The following CPQ variants were observed in gnomAD, a reference collection of about 807,000 sequenced individuals.
CPQ encodes the protein carboxypeptidase Q, also known as Ser-Met dipeptidase.
A neutral mutation model predicts 45.7 loss-of-function variants in CPQ; 37 were observed. That is an observed-to-expected ratio of 0.81 (90% CI 0.62 to 1.07). CPQ has a LOEUF of 1.07. Ranked by LOEUF, CPQ falls within the 50% of genes least tolerant of loss-of-function variation. CPQ has a pLI of 0.00. For missense variants in CPQ, 537 were observed against 572.9 expected, an observed-to-expected ratio of 0.94 and a Z score of 0.64; for synonymous variants, 186 against 205.8, an observed-to-expected ratio of 0.90 and a Z score of 0.82.
chr8:96,995,750 G>C (rs1809169283), intron 5 of CPQ, among the ~76,000 whole-genome samples: 1 of 151,502 alleles, frequency 6.6e-6, no homozygotes, highest in African/African-American at 2.4e-5. Flanking sequence ...ATGGGGGTTT[G>C]TTATACAGAT....
At chr8:96,664,680 G>A (rs1307599498) in intron 1 of CPQ, among the ~76,000 whole-genome samples, 2 of 152,162 alleles carry the variant, frequency 1.3e-5, no homozygotes, top group Non-Finnish European at 2.9e-5. Flanking sequence ...AGGAGTAAGG[G>A]TAAAGGCGTC....
intron 6 of CPQ, among the ~76,000 whole-genome samples, chr8:97,045,293 T>G (rs769692728): frequency 2.0e-5 from 3 of 152,238 alleles, no homozygotes; most frequent in Admixed American, 6.5e-5. Flanking sequence ...TTCCAAGCCA[T>G]GTGCGGGATA....
intron 4 of CPQ, among the ~76,000 whole-genome samples, chr8:96,962,293 T>G (rs1813472750): frequency 1.3e-5 from 2 of 152,206 alleles, no homozygotes; most frequent in Admixed American, 6.5e-5. Flanking sequence ...GTTTTCAGAG[T>G]AACTTTTTAC....
intron 6 of CPQ, among the ~76,000 whole-genome samples, chr8:97,061,926 A>C (rs781272501): frequency 1.5e-4 from 23 of 152,264 alleles, no homozygotes; most frequent in Non-Finnish European, 2.9e-4. Context: ...TGTGAGGGTC[A>C]AACCCAGTCT....
rs147746306 is a variant in CPQ, at chr8:97,031,675, T to C, written c.1053+2181T>C. Among the ~76,000 whole-genome samples, 377 of 152,314 alleles carry C rather than the reference T, an allele frequency of 2.5e-3. 4 individuals are homozygous for C. The highest frequency in any genetic ancestry group is 8.7e-3 in the African/African-American group (361 of 41,574). On this transcript the variant is annotated intron_variant, in intron 6 of 7. Coordinates refer to ENST00000220763, the MANE Select transcript of CPQ (RefSeq NM_016134.4). ...ATCGGAAATGCCTAAAATTCTGAGG[T>C]TGGCAGAAATACACACACTCAAAGG...
At chr8:96,869,291 A>C (rs1812034484) in intron 3 of CPQ, among the ~76,000 whole-genome samples, 1 of 152,034 alleles carries the variant, frequency 6.6e-6, no homozygotes, top group African/African-American at 2.4e-5. Context: ...TTCAGAGGAA[A>C]AGTTCCAAAA....
chr8:96,720,886 A>G (rs1339381564), intron 1 of CPQ, among the ~76,000 whole-genome samples: 1 of 151,562 alleles, frequency 6.6e-6, no homozygotes, highest in Non-Finnish European at 1.5e-5. Flanking sequence ...TGCATTTTCT[A>G]TGGTGTGGTC....
intron 1 of CPQ, among the ~76,000 whole-genome samples, chr8:96,746,550 T>C (rs1810185127): frequency 6.6e-6 from 1 of 152,214 alleles, no homozygotes; most frequent in Non-Finnish European, 1.5e-5. Flanking sequence ...TTATCCTTAC[T>C]GCTAATCCAT....
intron 5 of CPQ, among the ~76,000 whole-genome samples, chr8:96,993,307 T>C (rs953546803): frequency 2.0e-5 from 3 of 152,180 alleles, no homozygotes; most frequent in African/African-American, 7.2e-5. Flanking sequence ...ATATAGTGAT[T>C]ACCAAATTCA....
chr8:96,741,424 A>G (rs1383866669), intron 1 of CPQ, among the ~76,000 whole-genome samples: 2 of 152,200 alleles, frequency 1.3e-5, no homozygotes, highest in Admixed American at 6.5e-5. Context: ...TCAAAAAACT[A>G]GCTCCCGGAT....
intron 3 of CPQ, among the ~76,000 whole-genome samples, chr8:96,842,890 CT>C (rs1475862543): frequency 6.6e-6 from 1 of 151,866 alleles, no homozygotes; most frequent in Non-Finnish European, 1.5e-5. Flanking sequence ...TGAGGGTTTT[CT>C]TTTTTTGTTT....
At chr8:97,044,785 G>A (rs944705226) in intron 6 of CPQ, among the ~76,000 whole-genome samples, 1 of 152,170 alleles carries the variant, frequency 6.6e-6, no homozygotes, top group East Asian at 1.9e-4. Flanking sequence ...AGCAGCGGTG[G>A]CTGCAGAACA....
intron 1 of CPQ, among the ~76,000 whole-genome samples, chr8:96,784,492 G>C (rs563883885): frequency 1.3e-5 from 2 of 151,986 alleles, no homozygotes; most frequent in Non-Finnish European, 2.9e-5. Flanking sequence ...GAACACACCT[G>C]GTGGAGGGAG....
chr8:97,049,754 T>A (rs1810325628), intron 6 of CPQ, among the ~76,000 whole-genome samples: 1 of 152,212 alleles, frequency 6.6e-6, no homozygotes, highest in African/African-American at 2.4e-5. Context: ...AACACTTTTG[T>A]TTTTAGAATC....
chr8:96,844,979 A>T (rs1467497247), intron 3 of CPQ, among the ~76,000 whole-genome samples: 1 of 152,198 alleles, frequency 6.6e-6, no homozygotes, highest in African/African-American at 2.4e-5. Context: ...GCTTACCCAA[A>T]ATGCAGCAAA....
At chr8:96,896,626 C>T (rs1490383865) in intron 4 of CPQ, among the ~76,000 whole-genome samples, 1 of 152,168 alleles carries the variant, frequency 6.6e-6, no homozygotes, top group African/African-American at 2.4e-5. Context: ...ACTGAAATGG[C>T]ACCTTCCCTG....
rs561164802 is a variant in CPQ, at chr8:96,908,744, T to TGCGC, written c.849+28740_849+28743dup. Among the ~76,000 whole-genome samples the TGCGC allele has an allele frequency of 8.8e-4, 62 of 70,470 alleles. 2 individuals are homozygous for TGCGC. The highest frequency in any genetic ancestry group is 3.3e-3 in the South Asian group (6 of 1,830). The allele number at this position is 70,470 out of a possible 152,430, so 46.2% of individuals were successfully genotyped here. ...ATTTCTCTTTTCAGTTTTATACACA[T>TGCGC]GCGCACACACACACACACACACACA... is the stretch of plus-strand genomic sequence containing the variant. On this transcript the variant is annotated intron_variant, in intron 4 of 7. Transcript: ENST00000220763.
intron 4 of CPQ, among the ~76,000 whole-genome samples, chr8:96,905,339 G>A (rs903705781): frequency 1.3e-5 from 2 of 152,134 alleles, no homozygotes; most frequent in African/African-American, 2.4e-5. Flanking sequence ...AGATTTGAAT[G>A]GGGACACAGA....
intron 1 of CPQ, among the ~76,000 whole-genome samples, chr8:96,767,792 C>T (rs1239716919): frequency 1.3e-5 from 2 of 151,734 alleles, no homozygotes; most frequent in Admixed American, 6.6e-5. Flanking sequence ...TACAGGCATG[C>T]GCCACCATGC....
Sources: allele counts gnomAD v4.1 joint callset (sites outside exome capture counted in the v4.1 genomes callset), GRCh38; gene constraint gnomAD v4.1.1; transcripts MANE v1.5; gene names NCBI Gene and HGNC (gene_info 2026-07-23, HGNC 2026-07-21).